Variants in ACBD3 observed in about 807,000 individuals in gnomAD.
ACBD3 encodes the protein acyl-CoA binding domain containing 3, also known as Golgi resident protein GCP60.
ACBD3 carries 30 observed loss-of-function variants against 66.9 expected under a neutral mutation model. The observed-to-expected ratio is 0.45, with a 90% CI of 0.34 to 0.61. The LOEUF (loss-of-function observed/expected upper bound fraction) is 0.61. Among genes scored for constraint, ACBD3 ranks in the 20% least tolerant of loss-of-function variants. The pLI is 0.02. For missense variants in ACBD3, 544 were observed against 664.5 expected (o/e 0.82, Z 1.99); for synonymous variants, 278 against 259.8 (o/e 1.07, Z -0.68).
chr1:226,171,578 C>T (rs1349437152), intron 1 of ACBD3, among the ~76,000 whole-genome samples: 2 of 152,020 alleles, frequency 1.3e-5, no homozygotes, highest in Non-Finnish European at 2.9e-5. Context: ...TGCTCTGTTA[C>T]CCACGATGGA....
chr1:226,164,709 A>AG, intron 3 of ACBD3, 80 bp downstream of exon 3: 1 of 1,426,838 alleles, frequency 7.0e-7, no homozygotes, highest in African/African-American at 1.4e-5. Context: ...ATCTAGAACT[A>AG]GAACAGACAC....
chr1:226,169,247 T>A (rs116060057), intron 1 of ACBD3, among the ~76,000 whole-genome samples: 21,041 of 151,794 alleles, frequency 0.14, 1,631 homozygotes, highest in Middle Eastern at 0.22. Context: ...AGTTTTTTTT[T>A]ATTTTTATTT....
intron 1 of ACBD3, among the ~76,000 whole-genome samples, chr1:226,172,635 T>A (rs2102786795): frequency 6.6e-6 from 1 of 151,778 alleles, no homozygotes; most frequent in East Asian, 1.9e-4. Context: ...GCCAAATTTG[T>A]CTCAAAAAAA....
chr1:226,171,182 C>CT (rs1659986963), intron 1 of ACBD3, among the ~76,000 whole-genome samples: 1 of 151,220 alleles, frequency 6.6e-6, no homozygotes, highest in Non-Finnish European at 1.5e-5. Flanking sequence ...GACTCTCGCT[C>CT]TGTCACCCAG....
chr1:226,185,928 T>C (rs1318579384), intron 1 of ACBD3, among the ~76,000 whole-genome samples: 1 of 152,138 alleles, frequency 6.6e-6, no homozygotes, highest in African/African-American at 2.4e-5. Flanking sequence ...CTGGAAAAGC[T>C]ATGTATGGAA....
At chr1:226,154,292 C>T (rs1282724921) in intron 6 of ACBD3, among the ~76,000 whole-genome samples, 1 of 152,034 alleles carries the variant, frequency 6.6e-6, no homozygotes, top group Admixed American at 6.6e-5. Flanking sequence ...ACTGCAGCCT[C>T]AAACTCTTGG....
chr1:226,178,718 A>G (rs1207120716), intron 1 of ACBD3, among the ~76,000 whole-genome samples: 1 of 152,164 alleles, frequency 6.6e-6, no homozygotes, highest in Non-Finnish European at 1.5e-5. Flanking sequence ...TTAATGAAAG[A>G]AGGCCATAAA....
At chr1:226,163,500 T>TA (rs879922413) in intron 3 of ACBD3, among the ~76,000 whole-genome samples, 13 of 149,086 alleles carry the variant, frequency 8.7e-5, no homozygotes, top group South Asian at 2.1e-4. Context: ...TCCTTTAGAT[T>TA]AAAAAAAAAA....
At chr1:226,165,029 G>T in intron 2 of ACBD3, 100 bp from the exon 3 acceptor site, 1 of 1,283,548 alleles carries the variant, frequency 7.8e-7, no homozygotes, top group Non-Finnish European at 1.0e-6. Flanking sequence ...TAAGTAAAAT[G>T]AATGATTCTA....
At chr1:226,173,919 C>T (rs1377495024) in intron 1 of ACBD3, among the ~76,000 whole-genome samples, 1 of 151,778 alleles carries the variant, frequency 6.6e-6, no homozygotes, top group Non-Finnish European at 1.5e-5. Flanking sequence ...TGCACTACCA[C>T]ACCTAGCTAA....
Position 226,149,229 on chromosome 1 carries a change from A to ATT in ACBD3, c.1376-2410_1376-2409dup, listed in dbSNP as rs530087804. The stretch of plus-strand genomic sequence containing the variant: ...GAATTCTTATTCACAAAGCTCTTTC[A>ATT]TTTTTTTTTTTTTTTGAGACGGAGT... On this transcript the variant is annotated intron_variant, in intron 7 of 7. Transcript: ENST00000366812. Among the ~76,000 whole-genome samples the ATT allele has an allele frequency of 2.4e-3, 353 of 144,384 alleles. 7 individuals are homozygous for ATT. The East Asian group carries it at 0.041, about 17-fold the overall frequency. The allele number at this position is 144,384 out of a possible 152,430, so 94.7% of individuals were successfully genotyped here.
At chr1:226,173,994 C>T (rs1241076983) in intron 1 of ACBD3, among the ~76,000 whole-genome samples, 1 of 151,942 alleles carries the variant, frequency 6.6e-6, no homozygotes, top group Non-Finnish European at 1.5e-5. Context: ...AAACTCCTGA[C>T]ATCAGGTAAT....
rs1258505554 is a variant in ACBD3, at chr1:226,154,672, T to G, written c.1065A>C (p.Glu355Asp). The G allele has an allele frequency of 1.2e-6, 2 of 1,613,242 alleles. No individual in the cohort carries two copies. The highest frequency in any genetic ancestry group is 2.7e-5 in the African/African-American group (2 of 74,878). Residue 355 changes from glutamate to aspartate, a missense_variant, in exon 6 of 8, where the codon GAA becomes GAC. Glu to Asp is a conservative substitution (Grantham distance 45). Transcript: ENST00000366812. ...CTTTTGGTCCATTCTCCAGGGCTTC[T>G]TCTGCAGCTTCTGGTTCCAGTTCTT... Reference protein sequence around the residue: ...SEKELEPEAAEEALENGPKES... With the variant: ...SEKELEPEAADEALENGPKES...
At chr1:226,154,478 G>T in intron 6 of ACBD3, 169 bp downstream of exon 6, 1 of 688,708 alleles carries the variant, frequency 1.5e-6, no homozygotes, top group South Asian at 2.2e-5. Flanking sequence ...TTCTACACTG[G>T]TCTATGAGTC....
At chr1:226,161,971 TC>T (rs1248884621) in intron 3 of ACBD3, among the ~76,000 whole-genome samples, 1 of 152,224 alleles carries the variant, frequency 6.6e-6, no homozygotes, top group Non-Finnish European at 1.5e-5. Context: ...AAGGATCCCC[TC>T]TAATATATGC....
intron 1 of ACBD3, among the ~76,000 whole-genome samples, chr1:226,173,763 T>TC (rs1310089090): frequency 1.5e-5 from 2 of 135,994 alleles, no homozygotes; most frequent in African/African-American, 2.8e-5. Flanking sequence ...TTTTCTTTTT[T>TC]TTTTTTTTTT....
chr1:226,152,649 GAA>G (rs1659600079), intron 6 of ACBD3, 30 bp from the exon 7 acceptor site: 2 of 1,591,430 alleles, frequency 1.3e-6, no homozygotes, highest in African/African-American at 1.4e-5. Context: ...AAAAGCTAAA[GAA>G]AAAGAGCCTT....
intron 1 of ACBD3, among the ~76,000 whole-genome samples, chr1:226,185,679 T>C (rs1391228843): frequency 2.0e-5 from 3 of 151,864 alleles, no homozygotes; most frequent in Admixed American, 2.0e-4. Flanking sequence ...ATTTAACAAT[T>C]AATTATGCGA....
At chr1:226,153,344 T>C (rs548475601) in intron 6 of ACBD3, among the ~76,000 whole-genome samples, 1 of 152,322 alleles carries the variant, frequency 6.6e-6, no homozygotes, top group Admixed American at 6.5e-5. Flanking sequence ...TTATTACTTG[T>C]TCTAAACAGA....
Sources: allele counts gnomAD v4.1 joint callset (sites outside exome capture counted in the v4.1 genomes callset), GRCh38; gene constraint gnomAD v4.1.1; transcripts MANE v1.5; gene names NCBI Gene and HGNC (gene_info 2026-07-23, HGNC 2026-07-21).